Variants in GALNT13 observed in about 807,000 individuals in gnomAD.
GALNT13 encodes polypeptide N-acetylgalactosaminyltransferase 13.
A neutral mutation model predicts 64.2 loss-of-function variants in GALNT13; 28 were observed. The ratio of observed to expected loss-of-function variants is 0.44; its 90% CI spans 0.32 to 0.60. GALNT13 has a LOEUF of 0.60. GALNT13 is among the 20% of genes least tolerant of loss of function. GALNT13 has a pLI of 0.05. For missense variants in GALNT13, 577 were observed against 669.8 expected (o/e 0.86, Z 1.53); for synonymous variants, 214 against 224.6 (o/e 0.95, Z 0.42).
chr2:153,107,410 T>C, the GALNT13 span, among the ~76,000 whole-genome samples: 4 of 152,292 alleles, frequency 2.6e-5, no homozygotes, highest in African/African-American at 9.6e-5. Flanking sequence ...TTAGCATACC[T>C]AGAAGAAAGG....
At chr2:154,038,425 C>T (rs1395484470) in intron 3 of GALNT13, among the ~76,000 whole-genome samples, 1 of 151,894 alleles carries the variant, frequency 6.6e-6, no homozygotes. Context: ...GACACATAGA[C>T]CAATAGAACA....
the GALNT13 span, among the ~76,000 whole-genome samples, chr2:153,657,489 C>T: frequency 6.6e-6 from 1 of 152,006 alleles, no homozygotes; most frequent in African/African-American, 2.4e-5. Flanking sequence ...TGATTTCACC[C>T]CCATTTTACA....
chr2:153,364,572 G>A, the GALNT13 span, among the ~76,000 whole-genome samples: 2 of 152,096 alleles, frequency 1.3e-5, no homozygotes, highest in African/African-American at 4.8e-5. Flanking sequence ...AAAATCACAG[G>A]CATTCTTCTA....
the GALNT13 span, among the ~76,000 whole-genome samples, chr2:153,289,499 G>C: frequency 1.3e-5 from 2 of 152,150 alleles, no homozygotes; most frequent in Non-Finnish European, 2.9e-5. Context: ...AGTTGAATAA[G>C]AATGTAAGGC....
intron 2 of GALNT13, among the ~76,000 whole-genome samples, chr2:153,905,756 T>C (rs944695943): frequency 6.6e-6 from 1 of 152,046 alleles, no homozygotes; most frequent in Non-Finnish European, 1.5e-5. Flanking sequence ...TTTATTATTT[T>C]CTTAAAGGAA....
At chr2:153,528,265 A>C in the GALNT13 span, among the ~76,000 whole-genome samples, 1 of 152,018 alleles carries the variant, frequency 6.6e-6, no homozygotes, top group East Asian at 1.9e-4. Context: ...GCCAAAAAAG[A>C]GTTGGAGCAG....
the GALNT13 span, among the ~76,000 whole-genome samples, chr2:153,113,468 C>G: frequency 6.6e-6 from 1 of 151,884 alleles, no homozygotes; most frequent in African/African-American, 2.4e-5. Context: ...ATCCCTTAAT[C>G]TTGTACTCCA....
chr2:153,592,885 C>G, the GALNT13 span: 9 of 152,144 alleles, frequency 5.9e-5, no homozygotes, highest in African/African-American at 1.9e-4. Context: ...TTTAGAGAGC[C>G]GGGTGAAATA....
chr2:154,418,241 A>T (rs1700106597), intron 11 of GALNT13, among the ~76,000 whole-genome samples: 1 of 152,216 alleles, frequency 6.6e-6, no homozygotes, highest in East Asian at 1.9e-4. Flanking sequence ...TGGAGGATGA[A>T]ATTGTTCCTC....
chr2:153,562,024 C>A, the GALNT13 span, among the ~76,000 whole-genome samples: 1 of 138,328 alleles, frequency 7.2e-6, no homozygotes, highest in Non-Finnish European at 1.6e-5. Context: ...ATTCTCCCTC[C>A]CTCTCCTCTC....
At chr2:153,962,771 A>G (rs1385525214) in intron 3 of GALNT13, among the ~76,000 whole-genome samples, 3 of 152,162 alleles carry the variant, frequency 2.0e-5, no homozygotes, top group Admixed American at 2.0e-4. Context: ...CCCTCTGCAC[A>G]ATGTCCCTCA....
At chr2:153,869,004 T>C (rs1685807717), upstream of GALNT13, among the ~76,000 whole-genome samples, 1 of 152,190 alleles carries the variant, frequency 6.6e-6, no homozygotes, top group Admixed American at 6.5e-5. Context: ...TCAAGAAATA[T>C]TGCAAAATTA....
chr2:154,056,330 C>T (rs1469189432), intron 3 of GALNT13, among the ~76,000 whole-genome samples: 1 of 152,014 alleles, frequency 6.6e-6, no homozygotes, highest in Non-Finnish European at 1.5e-5. Context: ...TATTAGACAT[C>T]TAGACTTATC....
chr2:153,254,978 A>C, the GALNT13 span, among the ~76,000 whole-genome samples: 1 of 151,926 alleles, frequency 6.6e-6, no homozygotes, highest in Non-Finnish European at 1.5e-5. Context: ...GTAGATGTCT[A>C]TTAGGTCCAC....
the GALNT13 span, among the ~76,000 whole-genome samples, chr2:153,453,648 A>G: frequency 1.3e-5 from 2 of 152,224 alleles, no homozygotes; most frequent in Non-Finnish European, 2.9e-5. Context: ...AGAAAAGAGA[A>G]TAGTTTTACA....
chr2:153,888,108 T>C (rs1410471110), intron 1 of GALNT13, among the ~76,000 whole-genome samples: 1 of 152,020 alleles, frequency 6.6e-6, no homozygotes, highest in Non-Finnish European at 1.5e-5. Context: ...GTGAGGAGAA[T>C]ATGTTTTGAG....
chr2:153,636,081 G>A, the GALNT13 span, among the ~76,000 whole-genome samples: 1 of 151,978 alleles, frequency 6.6e-6, no homozygotes, highest in Non-Finnish European at 1.5e-5. Context: ...AGCATGCTGG[G>A]AAAGAAATCA....
At chr2:153,589,609 A>G in the GALNT13 span, among the ~76,000 whole-genome samples, 1 of 152,180 alleles carries the variant, frequency 6.6e-6, no homozygotes, top group Non-Finnish European at 1.5e-5. Flanking sequence ...GTTTTAATGG[A>G]CTTACAATTC....
At chr2:153,182,549 C>T in the GALNT13 span, among the ~76,000 whole-genome samples, 1 of 152,086 alleles carries the variant, frequency 6.6e-6, no homozygotes. Flanking sequence ...ATCCCAACAC[C>T]TAGGTATCAA....
Sources: gnomAD v4.1 joint callset for allele counts (sites outside exome capture counted in the v4.1 genomes callset) on GRCh38, gnomAD v4.1.1 for gene constraint, MANE v1.5 for transcripts, NCBI Gene and HGNC (gene_info 2026-07-23, HGNC 2026-07-21) for gene names.